Variants in TLL1 observed in about 807,000 individuals in gnomAD.
The protein encoded by TLL1 is tolloid like 1, also known as tolloid-like protein 1.
TLL1 carries 49 observed loss-of-function variants against 128.2 expected under a neutral mutation model. That is an observed-to-expected ratio of 0.38 (90% CI 0.30 to 0.48). The LOEUF is 0.48. Ranked by LOEUF, TLL1 falls within the 20% of genes least tolerant of loss-of-function variation. The pLI, the probability that TLL1 is intolerant of heterozygous loss-of-function variation, is 0.96. For synonymous variants in TLL1, 454 were observed against 418.8 expected (o/e 1.08, Z -1.03); for missense variants, 1,123 against 1,242.0 (o/e 0.90, Z 1.44).
At chr4:166,008,286 A>G (rs1737532149) in intron 7 of TLL1, among the ~76,000 whole-genome samples, 1 of 151,618 alleles carries the variant, frequency 6.6e-6, no homozygotes, top group African/African-American at 2.4e-5. Flanking sequence ...AATTTATACC[A>G]ATAAGATGGC....
chr4:166,013,522 A>T (rs1407789799), intron 7 of TLL1, among the ~76,000 whole-genome samples: 4 of 151,742 alleles, frequency 2.6e-5, no homozygotes, highest in Admixed American at 6.6e-5. Context: ...TTCTTAATTT[A>T]AAATATTTTT....
At chr4:166,046,811 G>A (rs145021549) in intron 12 of TLL1, among the ~76,000 whole-genome samples, 10 of 152,256 alleles carry the variant, frequency 6.6e-5, no homozygotes, top group Admixed American at 2.6e-4. Context: ...AATCTCACAG[G>A]AACTGTAACC....
intron 1 of TLL1, among the ~76,000 whole-genome samples, chr4:165,962,702 A>G (rs1329425297): frequency 6.6e-6 from 1 of 152,194 alleles, no homozygotes; most frequent in East Asian, 1.9e-4. Context: ...CGTGGTACAT[A>G]TACACCATGG....
At chr4:165,931,683 C>T (rs559243412) in intron 1 of TLL1, among the ~76,000 whole-genome samples, 7 of 138,626 alleles carry the variant, frequency 5.0e-5, no homozygotes, top group South Asian at 4.7e-4. Context: ...TGCACCACTG[C>T]ACTCCAGCCT....
intron 1 of TLL1, among the ~76,000 whole-genome samples, chr4:165,884,042 G>A (rs1469612984): frequency 6.6e-6 from 1 of 152,156 alleles, no homozygotes; most frequent in Non-Finnish European, 1.5e-5. Flanking sequence ...TGTTTACACA[G>A]AGCTAAGTTT....
chr4:165,983,582 T>C (rs2111000436), intron 1 of TLL1, among the ~76,000 whole-genome samples: 1 of 151,942 alleles, frequency 6.6e-6, no homozygotes, highest in East Asian at 1.9e-4. Flanking sequence ...ATAGATTTGT[T>C]TGTCTTACAC....
In TLL1 at chr4:166,065,809, T is replaced by C; in HGVS notation, c.2134T>C (p.Phe712Leu). The change falls in exon 16 of 21, where the codon TTC becomes CTC. Residue 712 changes from phenylalanine to leucine, a missense_variant. Coordinates refer to ENST00000061240, the MANE Select transcript of TLL1 (RefSeq NM_012464.5). ...CCAGTTCAACAATATGAGAATTGAA[T>C]TCAAATCTGACAATACTGTATCCAA... ...TSQFNNMRIEFKSDNTVSKKG... is the reference protein window; with the variant it reads ...TSQFNNMRIELKSDNTVSKKG... 6.2e-7 allele frequency: 1 copy of C among 1,613,050 alleles called. No homozygotes were observed.
chr4:165,997,197 C>T (rs1736924893), intron 5 of TLL1, among the ~76,000 whole-genome samples: 1 of 152,040 alleles, frequency 6.6e-6, no homozygotes, highest in African/African-American at 2.4e-5. Flanking sequence ...CATAAAAATT[C>T]ATTTAAATTA....
In TLL1 at chr4:166,039,382, T is replaced by G. The variant is rs1739141375; in HGVS notation, c.1202T>G (p.Leu401Trp). The G allele has an allele frequency of 2.5e-6, 4 of 1,613,454 alleles. No individual in the cohort carries two copies. In the African/African-American group the frequency reaches 5.3e-5, roughly 22 times the overall value. ...FTTMDLYKSS[L>W]CWYDYIEVRD... ...ACGATGGATCTATACAAGAGTAGTT[T>G]GTGCTGGTATGACTATATTGAAGTA... is the stretch of plus-strand genomic sequence containing the variant. The change falls in exon 10 of 21, where the codon TTG becomes TGG. Residue 401 changes from leucine to tryptophan, a missense_variant. By Grantham distance (61) the Leu-to-Trp change is moderately conservative. Around this residue, in one of 3 missense-constraint regions of TLL1, gnomAD observed 480 missense variants for 542.4 expected, o/e 0.89. Transcript: ENST00000061240.
Position 166,102,517 on chromosome 4 carries a change from A to G in TLL1, c.*1641A>G, listed in dbSNP as rs1742339002. The G allele has an allele frequency of 6.6e-6, 1 of 152,314 alleles. No homozygotes were observed. 9.4% of individuals were successfully genotyped at this position (152,314 alleles called of 1,614,324 possible). A position where few individuals can be genotyped will look rare whatever the true frequency, so the allele number is the denominator to read the frequency against. ...TCATGGACAAATAATGGGAACTTCT[A>G]ATTTTGATCAATCCCATTAAAAAAA... On this transcript the variant is annotated 3_prime_UTR_variant, in exon 21 of 21. Transcript: ENST00000061240.
chr4:165,937,964 A>G (rs372824779), intron 1 of TLL1, among the ~76,000 whole-genome samples: 1 of 148,666 alleles, frequency 6.7e-6, no homozygotes, highest in Admixed American at 6.8e-5. Context: ...TTCTTTCTTT[A>G]AAGAATTTTC....
intron 5 of TLL1, among the ~76,000 whole-genome samples, chr4:166,002,610 A>G (rs1737221935): frequency 6.6e-6 from 1 of 151,812 alleles, no homozygotes; most frequent in African/African-American, 2.4e-5. Flanking sequence ...ATGCCCAGCT[A>G]ATTTTTGAAT....
At chr4:166,018,365 T>C (rs1738051476) in intron 8 of TLL1, among the ~76,000 whole-genome samples, 1 of 152,136 alleles carries the variant, frequency 6.6e-6, no homozygotes, top group African/African-American at 2.4e-5. Flanking sequence ...AAATAAAACA[T>C]AGGGATCACC....
At chr4:166,087,562 A>G (rs1157348673) in intron 18 of TLL1, among the ~76,000 whole-genome samples, 1 of 152,142 alleles carries the variant, frequency 6.6e-6, no homozygotes, top group Non-Finnish European at 1.5e-5. Context: ...CAGTTGCTCA[A>G]ATTGCATCAG....
Position 166,008,059 on chromosome 4 carries a change from C to G in TLL1, c.917+11C>G. On this transcript the variant is annotated intron_variant, in intron 7 of 20. Transcript: ENST00000061240. ...GAACACCTTCTCAAGGTTGGAGTCT[C>G]AGGTTATACCTTTTGACTTTTAATT... 1 of 1,595,850 alleles carries G rather than the reference C, an allele frequency of 6.3e-7. No individual in the cohort carries two copies. Among genetic ancestry groups the G allele is most frequent in the Non-Finnish European group, 8.6e-7 (1 of 1,164,468 alleles).
chr4:165,910,550 T>G (rs1004582299), intron 1 of TLL1, among the ~76,000 whole-genome samples: 1 of 152,178 alleles, frequency 6.6e-6, no homozygotes, highest in African/African-American at 2.4e-5. Flanking sequence ...TCTGGCATCT[T>G]GTCATCCTAT....
intron 18 of TLL1, among the ~76,000 whole-genome samples, chr4:166,084,877 A>G (rs1247800903): frequency 1.3e-5 from 2 of 151,564 alleles, no homozygotes; most frequent in East Asian, 3.9e-4. Context: ...TGCTTTGGCT[A>G]TGCAGTCTTT....
At chr4:165,905,625 C>T (rs1732213303) in intron 1 of TLL1, among the ~76,000 whole-genome samples, 1 of 152,150 alleles carries the variant, frequency 6.6e-6, no homozygotes, top group South Asian at 2.1e-4. Flanking sequence ...TTCCTGTTTA[C>T]TGGCATGCCC....
intron 5 of TLL1, among the ~76,000 whole-genome samples, chr4:166,001,980 C>T (rs1462280439): frequency 6.6e-6 from 1 of 152,068 alleles, no homozygotes; most frequent in Non-Finnish European, 1.5e-5. Context: ...TCATAAATAT[C>T]ATTCATTATA....
Sources: allele counts gnomAD v4.1 joint callset (sites outside exome capture counted in the v4.1 genomes callset), GRCh38; gene constraint gnomAD v4.1.1; regional missense constraint gnomAD v4.1.1; transcripts MANE v1.5; gene names NCBI Gene and HGNC (gene_info 2026-07-23, HGNC 2026-07-21).